PTPRG: variants seen among roughly 807,000 people sequenced by gnomAD.
The protein encoded by PTPRG is protein tyrosine phosphatase receptor type G.
In PTPRG, 102 loss-of-function variants were observed where a neutral mutation model predicts 165.3. The ratio of observed to expected loss-of-function variants is 0.62; its 90% CI spans 0.53 to 0.73. The LOEUF is 0.73. Among genes scored for constraint, PTPRG ranks in the 30% least tolerant of loss-of-function variants. PTPRG has a pLI of 0.00. For missense variants in PTPRG, 1,866 were observed against 1,861.4 expected, an observed-to-expected ratio of 1.00 and a Z score of -0.05; for synonymous variants, 675 against 669.5, an observed-to-expected ratio of 1.01 and a Z score of -0.13.
chr3:61,914,355 A>T (rs549574785), intron 2 of PTPRG, among the ~76,000 whole-genome samples: 1 of 152,168 alleles, frequency 6.6e-6, no homozygotes, highest in East Asian at 1.9e-4. Context: ...TGTGTTCCCC[A>T]TGGGGACTTT....
At chr3:61,611,827 C>T (rs1177097131) in intron 1 of PTPRG, among the ~76,000 whole-genome samples, 4 of 152,172 alleles carry the variant, frequency 2.6e-5, no homozygotes, top group African/African-American at 9.7e-5. Flanking sequence ...TTTCATGTGT[C>T]AGGAAATATT....
chr3:61,900,043 A>AT (rs1347256996), intron 2 of PTPRG, among the ~76,000 whole-genome samples: 1 of 152,240 alleles, frequency 6.6e-6, no homozygotes, highest in Non-Finnish European at 1.5e-5. Flanking sequence ...TTTTTAAAAA[A>AT]TGTAATTTTC....
intron 6 of PTPRG, among the ~76,000 whole-genome samples, chr3:62,143,902 C>T (rs1704020267): frequency 6.6e-6 from 1 of 152,132 alleles, no homozygotes; most frequent in Non-Finnish European, 1.5e-5. Flanking sequence ...GTGCTTATCT[C>T]ACGAGTATCA....
chr3:62,080,851 G>C (rs776722045), intron 5 of PTPRG, among the ~76,000 whole-genome samples: 1 of 152,062 alleles, frequency 6.6e-6, no homozygotes. Flanking sequence ...CGAGGACACC[G>C]CTACTAGTTT....
intron 4 of PTPRG, among the ~76,000 whole-genome samples, chr3:62,018,573 G>A (rs2041607627): frequency 6.6e-6 from 1 of 152,218 alleles, no homozygotes; most frequent in Non-Finnish European, 1.5e-5. Flanking sequence ...CATTATTTGA[G>A]TTAAGGTATT....
At chr3:62,249,725 C>T (rs1194330944) in intron 15 of PTPRG, among the ~76,000 whole-genome samples, 1 of 152,172 alleles carries the variant, frequency 6.6e-6, no homozygotes, top group African/African-American at 2.4e-5. Context: ...AATTTATCTA[C>T]CTGGCATCAT....
chr3:61,898,709 A>G (rs967898657), intron 2 of PTPRG, among the ~76,000 whole-genome samples: 4 of 152,226 alleles, frequency 2.6e-5, no homozygotes, highest in Non-Finnish European at 4.4e-5. Flanking sequence ...AGGTCTTTAA[A>G]TGGAAAGAAC....
At chr3:62,171,806 A>G (rs1472368825) in intron 8 of PTPRG, among the ~76,000 whole-genome samples, 2 of 152,040 alleles carry the variant, frequency 1.3e-5, no homozygotes, top group Admixed American at 6.6e-5. Context: ...TCACAAAGTC[A>G]TGCACCCATT....
chr3:61,563,733 C>T (rs960952591), intron 1 of PTPRG, among the ~76,000 whole-genome samples: 2 of 152,204 alleles, frequency 1.3e-5, no homozygotes, highest in African/African-American at 4.8e-5. Flanking sequence ...CTGGAGCGCC[C>T]GTTTTTGGTG....
At chr3:61,816,071 A>C (rs1241217620) in intron 2 of PTPRG, among the ~76,000 whole-genome samples, 1 of 152,146 alleles carries the variant, frequency 6.6e-6, no homozygotes. Context: ...TTTGTTATGA[A>C]ATCTGTAACA....
chr3:61,931,947 A>T (rs902180923), intron 2 of PTPRG, among the ~76,000 whole-genome samples: 2 of 152,180 alleles, frequency 1.3e-5, no homozygotes, highest in African/African-American at 4.8e-5. Context: ...TTGCTCTTCT[A>T]TGTTGTCTTC....
chr3:61,936,475 T>A (rs1346019010), intron 2 of PTPRG, among the ~76,000 whole-genome samples: 1 of 152,178 alleles, frequency 6.6e-6, no homozygotes, highest in Non-Finnish European at 1.5e-5. Context: ...ATCATCATAG[T>A]TTACTGTGCA....
chr3:61,796,819 GT>G (rs1462354289), intron 2 of PTPRG, among the ~76,000 whole-genome samples: 1 of 152,136 alleles, frequency 6.6e-6, no homozygotes, highest in Non-Finnish European at 1.5e-5. Context: ...GCAAGATTTT[GT>G]TTCTCTCTTC....
At chr3:61,714,608 C>T (rs1210990714) in intron 1 of PTPRG, among the ~76,000 whole-genome samples, 1 of 152,176 alleles carries the variant, frequency 6.6e-6, no homozygotes, top group Non-Finnish European at 1.5e-5. Flanking sequence ...TCAATCCAGG[C>T]TCTTTCTCAA....
At chr3:61,603,919 C>T (rs927853060) in intron 1 of PTPRG, among the ~76,000 whole-genome samples, 1 of 152,336 alleles carries the variant, frequency 6.6e-6, no homozygotes, top group East Asian at 1.9e-4. Context: ...TCCAATATGA[C>T]TTCACCTTAA....
chr3:61,987,666 A>G (rs2040794784), intron 2 of PTPRG, among the ~76,000 whole-genome samples: 1 of 150,532 alleles, frequency 6.6e-6, no homozygotes, highest in Non-Finnish European at 1.5e-5. Context: ...AAACATTTAG[A>G]TTCCATAATT....
chr3:62,114,833 G>T (rs556307453), intron 5 of PTPRG, among the ~76,000 whole-genome samples: 159 of 152,146 alleles, frequency 1.0e-3, no homozygotes, highest in African/African-American at 3.6e-3. Flanking sequence ...TAGAGACAGG[G>T]TTCACTATGT....
Position 61,628,182 on chromosome 3 carries a change from G to A in PTPRG, c.85+65810G>A, listed in dbSNP as rs1406614649. On this transcript the variant is annotated intron_variant, in intron 1 of 29. Coordinates refer to ENST00000474889, the MANE Select transcript of PTPRG (RefSeq NM_002841.4). The stretch of plus-strand genomic sequence containing the variant: ...CTGTGTGCTAGGCACTGGGGAATAA[G>A]ACAAATAAGAATTAGATATATGTGG... 4.6e-5 allele frequency among the ~76,000 whole-genome samples: 7 copies of A among 152,148 alleles called. No individual in the cohort carries two copies. In the East Asian group the frequency reaches 9.6e-4, roughly 21 times the overall value.
At chr3:61,603,623 T>G (rs1231353349) in intron 1 of PTPRG, among the ~76,000 whole-genome samples, 1 of 152,232 alleles carries the variant, frequency 6.6e-6, no homozygotes, top group Non-Finnish European at 1.5e-5. Context: ...GGAAATTTAT[T>G]GCCTCACAGT....
Sources: allele counts gnomAD v4.1 joint callset (sites outside exome capture counted in the v4.1 genomes callset), GRCh38; gene constraint gnomAD v4.1.1; transcripts MANE v1.5; gene names NCBI Gene and HGNC (gene_info 2026-07-23, HGNC 2026-07-21).